The following IWS1 variants were observed in gnomAD, a reference collection of about 807,000 sequenced individuals.
The protein encoded by IWS1 is protein IWS1 homolog.
A neutral mutation model predicts 86.7 loss-of-function variants in IWS1; 27 were observed. The observed-to-expected ratio is 0.31, with a 90% CI of 0.23 to 0.43. The LOEUF is 0.43. Ranked by LOEUF, IWS1 falls within the 20% of genes least tolerant of loss-of-function variation. IWS1 has a pLI of 1.00. For synonymous variants in IWS1, 313 were observed against 335.1 expected, an observed-to-expected ratio of 0.93 and a Z score of 0.72; for missense variants, 827 against 1,000.8, an observed-to-expected ratio of 0.83 and a Z score of 2.34.
chr2:127,518,488 C>T (rs980660381), intron 2 of IWS1, among the ~76,000 whole-genome samples: 2 of 150,758 alleles, frequency 1.3e-5, no homozygotes, highest in Admixed American at 6.6e-5. Context: ...CACTCCAGCC[C>T]GGGCGACAGT....
intron 9 of IWS1, among the ~76,000 whole-genome samples, 184 bp from the exon 10 acceptor site, chr2:127,492,272 T>C (rs1181671375): frequency 6.6e-6 from 1 of 152,206 alleles, no homozygotes; most frequent in Non-Finnish European, 1.5e-5. Context: ...AGGCCAGGCA[T>C]GGTGGCTCAC....
intron 6 of IWS1, 113 bp from the exon 7 acceptor site, chr2:127,496,261 C>T (rs1198258492): frequency 8.4e-7 from 1 of 1,189,016 alleles, no homozygotes; most frequent in Admixed American, 2.5e-5. Context: ...GAAGTGCTAC[C>T]TTCTTTTAAA....
intron 13 of IWS1, among the ~76,000 whole-genome samples, chr2:127,483,598 G>GGGGT (rs1689763605): frequency 1.8e-4 from 4 of 21,818 alleles, no homozygotes; most frequent in Non-Finnish European, 3.7e-4. Context: ...GGGTGGGGGG[G>GGGGT]TTGGGCTGTG....
intron 2 of IWS1, among the ~76,000 whole-genome samples, chr2:127,518,562 CTTTTT>C (rs747745807): frequency 1.7e-5 from 2 of 116,868 alleles, no homozygotes. Context: ...ACAGGCGATT[CTTTTT>C]TTTTTTTTTT....
In IWS1 at chr2:127,505,655, T is replaced by C; in HGVS notation, c.248A>G (p.Glu83Gly). The part of the protein sequence containing the change: ...EPLNLNASDS[E>G]SEELHRQKDS... ...CTTTTGCCTGTGAAGCTCCTCACTT[T>C]CAGAGTCACTAGCATTAAGATTTAA... The change falls in exon 3 of 14, where the codon GAA (glutamate) becomes GGA (glycine). Residue 83 changes from glutamate (E) to glycine (G), a missense_variant. Physicochemically the swap from Glu to Gly is moderately conservative, Grantham distance 98. Coordinates refer to ENST00000295321, the MANE Select transcript of IWS1 (RefSeq NM_017969.3). This position sits in a 1 kb window ranked among gnomAD's most constrained non-coding sequence, Gnocchi z 5.0. The C allele has an allele frequency of 6.2e-7, 1 of 1,614,118 alleles. No homozygotes were observed. Among genetic ancestry groups the C allele is most frequent in the African/African-American group, 1.3e-5 (1 of 75,036 alleles).
rs1408466226 is a variant in IWS1 at position 127,505,796 on chromosome 2, A to C, written c.151-44T>G. Reference sequence around the variant, plus strand: ...AAAAATTAGGAAAGTGCAAAAAAAAAAAAACCATTAATAATAAAACATTAA... The same window carrying C: ...AAAAATTAGGAAAGTGCAAAAAAAACAAAACCATTAATAATAAAACATTAA... On this transcript the variant is annotated intron_variant, in intron 2 of 13. Transcript: ENST00000295321. The surrounding 1 kb of genome is among the most constrained non-coding windows in gnomAD (Gnocchi z 5.0). 2.4e-6 allele frequency: 3 copies of C among 1,252,304 alleles called. No individual in the cohort carries two copies. The South Asian group carries it at 4.6e-5, about 19-fold the overall frequency. The allele number at this position is 1,252,304 out of a possible 1,614,324, so 77.6% of individuals were successfully genotyped here.
chr2:127,481,111 A>C lies in IWS1; in HGVS notation c.2393T>G (p.Ile798Arg), dbSNP rs140149850. 1.9e-6 allele frequency: 3 copies of C among 1,611,334 alleles called. No individual in the cohort carries two copies. Among genetic ancestry groups the C allele is most frequent in the South Asian group, 1.1e-5 (1 of 90,734 alleles). ...GTGTGCAGATCTGCTTTTTTTCCTTATATCTGTGAACTTTCTCATCTGTTT... is the reference window on the plus strand; with the variant it reads ...GTGTGCAGATCTGCTTTTTTTCCTTCTATCTGTGAACTTTCTCATCTGTTT... ...LDKQMRKFTD[I>R]RKKSRSAHAV... Residue 798 changes from isoleucine (I) to arginine (R), a missense_variant, in exon 14 of 14, where the codon ATA becomes AGA. Physicochemically the swap from Ile to Arg is moderately conservative, Grantham distance 97 (BLOSUM62 -3). This residue lies in a region of IWS1 where 279 missense variants were observed against 440.6 expected (regional missense o/e 0.63). Coordinates refer to ENST00000295321, the MANE Select transcript of IWS1 (RefSeq NM_017969.3).
chr2:127,489,703 T>C lies in IWS1; in HGVS notation c.2159+129A>G, dbSNP rs1690121787. On this transcript the variant is annotated intron_variant, in intron 11 of 13. Coordinates refer to ENST00000295321, the MANE Select transcript of IWS1 (RefSeq NM_017969.3). This position sits in a 1 kb window ranked among gnomAD's most constrained non-coding sequence, Gnocchi z 4.8. Reference sequence around the variant, plus strand: ...TTTAAACTAAAAGGATATTATGAATTATGTACACATATCAAGCTGAGAGGA... The same window carrying C: ...TTTAAACTAAAAGGATATTATGAATCATGTACACATATCAAGCTGAGAGGA... The C allele has an allele frequency of 1.7e-5, 12 of 696,110 alleles. No homozygotes were observed. The Admixed American group carries it at 2.4e-4, about 14-fold the overall frequency. The allele number at this position is 696,110 out of a possible 1,614,324, so 43.1% of individuals were successfully genotyped here. A position where few individuals can be genotyped will look rare whatever the true frequency, so the allele number is the denominator to read the frequency against.
At position 127,526,440 on chromosome 2, in the gene IWS1, G is replaced by C. The variant is rs1464112175; in HGVS notation, c.-232C>G. The C allele has an allele frequency of 3.9e-6, 6 of 1,535,192 alleles. No individual in the cohort carries two copies. Among genetic ancestry groups the C allele is most frequent in the Admixed American group, 2.0e-5 (1 of 50,768 alleles). ...CAGGCTGGCGGGCGGGCAGGCATGCGAGCCGGCGTTCTACTTCCTAGAAGC... is the reference window on the plus strand; with the variant it reads ...CAGGCTGGCGGGCGGGCAGGCATGCCAGCCGGCGTTCTACTTCCTAGAAGC... On this transcript the variant is annotated 5_prime_UTR_variant, in exon 1 of 14. Transcript: ENST00000295321.
chr2:127,513,879 T>C (rs1310588161), intron 2 of IWS1, among the ~76,000 whole-genome samples: 4 of 152,208 alleles, frequency 2.6e-5, no homozygotes, highest in African/African-American at 9.7e-5. Flanking sequence ...ATCACAATAA[T>C]AGCCTGTATC....
rs1410484958 is a variant in IWS1, at chr2:127,526,226, C to T, written c.-18G>A. The stretch of plus-strand genomic sequence containing the variant: ...GAGTCCATGGCAGGCGGACTCTCAG[C>T]GGGGAGTGTCCGCGCCCCGCGCCGC... On this transcript the variant is annotated 5_prime_UTR_variant, in exon 1 of 14. Transcript: ENST00000295321. The T allele has an allele frequency of 2.6e-6, 4 of 1,560,548 alleles. No homozygotes were observed. Among genetic ancestry groups the T allele is most frequent in the Non-Finnish European group, 3.5e-6 (4 of 1,154,316 alleles).
At chr2:127,503,601 A>T (rs1285411372) in intron 3 of IWS1, 25 bp from the exon 4 acceptor site, 1 of 1,541,924 alleles carries the variant, frequency 6.5e-7, no homozygotes. Context: ...AATCATCATT[A>T]ATTTTATTTT....
chr2:127,498,042 C>T, intron 6 of IWS1, 98 bp downstream of exon 6: 2 of 937,888 alleles, frequency 2.1e-6, no homozygotes, highest in Non-Finnish European at 3.3e-6. Flanking sequence ...CACTCCTAAA[C>T]TTAATCAGGA....
chr2:127,513,904 A>G (rs1691613470), intron 2 of IWS1, among the ~76,000 whole-genome samples: 2 of 152,222 alleles, frequency 1.3e-5, no homozygotes, highest in South Asian at 4.1e-4. Flanking sequence ...AAATAATAAC[A>G]GCAGGAAGCA....
At position 127,526,093 on chromosome 2, in the gene IWS1, C is replaced by G; in HGVS notation, c.34+82G>C. On this transcript the variant is annotated intron_variant, in intron 1 of 13. Coordinates refer to ENST00000295321, the MANE Select transcript of IWS1 (RefSeq NM_017969.3). The stretch of plus-strand genomic sequence containing the variant: ...GGGAAGGTTTCGGGGGGCCTCCTTG[C>G]CCCCACCCGCGGGGTGCCAGGCCAA... The G allele has an allele frequency of 3.6e-6, 5 of 1,394,714 alleles. No individual in the cohort carries two copies. In the Admixed American group the frequency reaches 6.2e-5, roughly 17 times the overall value. 86.4% of individuals were successfully genotyped at this position (1,394,714 alleles called of 1,614,324 possible). A position where few individuals can be genotyped will look rare whatever the true frequency, so the allele number is the denominator to read the frequency against.
intron 5 of IWS1, among the ~76,000 whole-genome samples, chr2:127,500,490 T>G (rs1385518092): frequency 6.6e-6 from 1 of 151,988 alleles, no homozygotes; most frequent in Non-Finnish European, 1.5e-5. Flanking sequence ...CTTAAGTACT[T>G]TTTTTTGCCT....
rs2104756509 is a variant in IWS1, at chr2:127,526,272, C to T, written c.-64G>A. 1 of 1,546,926 alleles carries T rather than the reference C, an allele frequency of 6.5e-7. No homozygotes were observed. The highest frequency in any genetic ancestry group is 8.7e-7 in the Non-Finnish European group (1 of 1,147,180). ...GCCGCCCCCGTCACCTCCTTCCAGG[C>T]GGTGTGACCCCGGATGGCGCGGCTA... is the stretch of plus-strand genomic sequence containing the variant. On this transcript the variant is annotated 5_prime_UTR_variant, in exon 1 of 14. Transcript: ENST00000295321.
At chr2:127,481,552 G>T (rs1689630958) in intron 13 of IWS1, among the ~76,000 whole-genome samples, 1 of 152,114 alleles carries the variant, frequency 6.6e-6, no homozygotes, top group Admixed American at 6.5e-5. Flanking sequence ...CGCTTGACAT[G>T]CACTTTCAAA....
intron 1 of IWS1, among the ~76,000 whole-genome samples, chr2:127,524,966 GCAACCT>G (rs1692314403): frequency 6.6e-6 from 1 of 151,808 alleles, no homozygotes; most frequent in South Asian, 2.1e-4. Flanking sequence ...TCCGCTCACT[GCAACCT>G]CTGCCTCCCG....
Sources: gnomAD v4.1 joint callset for allele counts (sites outside exome capture counted in the v4.1 genomes callset) on GRCh38, gnomAD v4.1.1 for gene constraint, gnomAD v4.1.1 regional missense constraint, Gnocchi (gnomAD v3.1) non-coding constraint, MANE v1.5 for transcripts, NCBI Gene and HGNC (gene_info 2026-07-23, HGNC 2026-07-21) for gene names.